CTNNA3: variants seen among roughly 807,000 people sequenced by gnomAD.
The protein encoded by CTNNA3 is catenin alpha-3.
CTNNA3 carries 76 observed loss-of-function variants against 95.7 expected under a neutral mutation model. The observed-to-expected ratio is 0.79, with a 90% CI of 0.66 to 0.96. The LOEUF is 0.96. Among genes scored for constraint, CTNNA3 ranks in the 40% least tolerant of loss-of-function variants. CTNNA3 has a pLI of 0.00. For synonymous variants in CTNNA3, 431 were observed against 374.4 expected (o/e 1.15, Z -1.74); for missense variants, 1,191 against 1,089.8 (o/e 1.09, Z -1.31).
intron 9 of CTNNA3, among the ~76,000 whole-genome samples, chr10:66,642,297 C>G (rs972120523): frequency 7.1e-6 from 1 of 141,244 alleles, no homozygotes; most frequent in African/African-American, 2.5e-5. Context: ...CACACACACA[C>G]ACACACACAA....
chr10:66,940,265 C>T (rs560298489), intron 7 of CTNNA3, among the ~76,000 whole-genome samples: 10 of 151,832 alleles, frequency 6.6e-5, no homozygotes. Flanking sequence ...TTTGGGAGGC[C>T]GAGGCAAGGA....
intron 5 of CTNNA3, among the ~76,000 whole-genome samples, chr10:67,442,493 T>C (rs1259982542): frequency 6.6e-6 from 1 of 151,678 alleles, no homozygotes; most frequent in Non-Finnish European, 1.5e-5. Flanking sequence ...AAAATACACA[T>C]AGACTGAAAA....
chr10:66,807,754 A>C (rs4269834), intron 7 of CTNNA3, among the ~76,000 whole-genome samples: 87,228 of 152,010 alleles, frequency 0.57, 25,279 homozygotes, highest in East Asian at 0.76. Flanking sequence ...TTAAAAAGTT[A>C]TCTTCCCCAG....
chr10:65,954,446 C>T (rs530410194), intron 17 of CTNNA3, among the ~76,000 whole-genome samples: 53 of 152,246 alleles, frequency 3.5e-4, no homozygotes, highest in African/African-American at 1.3e-3. Flanking sequence ...TTGTTTTAGT[C>T]ATGAAGTCCT....
chr10:67,135,314 C>T (rs1860237080), intron 7 of CTNNA3, among the ~76,000 whole-genome samples: 2 of 151,988 alleles, frequency 1.3e-5, no homozygotes, highest in South Asian at 4.1e-4. Flanking sequence ...GAGCATAATC[C>T]CCGCTTCACA....
At chr10:67,352,000 A>C (rs1842654333) in intron 5 of CTNNA3, among the ~76,000 whole-genome samples, 1 of 152,082 alleles carries the variant, frequency 6.6e-6, no homozygotes, top group Admixed American at 6.6e-5. Context: ...TAAGCATTTA[A>C]TATATGCCAA....
chr10:66,223,211 ATAAG>A (rs2089066919), intron 13 of CTNNA3, among the ~76,000 whole-genome samples: 1 of 152,060 alleles, frequency 6.6e-6, no homozygotes. Context: ...ACGAGGGAAA[ATAAG>A]TAAGGAATAA....
chr10:67,103,890 G>A (rs904761226), intron 7 of CTNNA3, among the ~76,000 whole-genome samples: 1 of 151,310 alleles, frequency 6.6e-6, no homozygotes, highest in Non-Finnish European at 1.5e-5. Flanking sequence ...TAAACCAGAG[G>A]CCTAATGGAA....
chr10:67,512,238 G>A (rs960891247), intron 5 of CTNNA3, among the ~76,000 whole-genome samples: 2 of 152,162 alleles, frequency 1.3e-5, no homozygotes, highest in East Asian at 1.9e-4. Flanking sequence ...GTTGGTGAGT[G>A]TAATCAGAAA....
At chr10:67,632,398 A>G (rs565053222) in intron 2 of CTNNA3, among the ~76,000 whole-genome samples, 2 of 152,206 alleles carry the variant, frequency 1.3e-5, no homozygotes, top group Admixed American at 6.5e-5. Context: ...GCCGGCACCA[A>G]GATGGACAAT....
chr10:66,110,857 T>G (rs113297758), intron 13 of CTNNA3, among the ~76,000 whole-genome samples: 5,175 of 152,264 alleles, frequency 0.034, 306 homozygotes, highest in African/African-American at 0.12. Context: ...CTAGATGGTA[T>G]AACCTACTAC....
At chr10:66,105,850 A>G (rs1040844896) in intron 13 of CTNNA3, among the ~76,000 whole-genome samples, 1 of 152,234 alleles carries the variant, frequency 6.6e-6, no homozygotes, top group Non-Finnish European at 1.5e-5. Context: ...ACAAAATGCT[A>G]CAGTTTAAGT....
At chr10:66,332,045 TTGTC>T (rs2092336906) in intron 12 of CTNNA3, among the ~76,000 whole-genome samples, 1 of 152,044 alleles carries the variant, frequency 6.6e-6, no homozygotes, top group Non-Finnish European at 1.5e-5. Flanking sequence ...GGCTCTCTGT[TTGTC>T]TGTTATTGGT....
chr10:66,380,622 T>A (rs1182452520), intron 11 of CTNNA3, among the ~76,000 whole-genome samples: 2 of 101,288 alleles, frequency 2.0e-5, no homozygotes. Flanking sequence ...TCTATCTATC[T>A]ATCTATATAT....
chr10:67,416,173 A>G (rs954570447), intron 5 of CTNNA3, among the ~76,000 whole-genome samples: 15 of 152,156 alleles, frequency 9.9e-5, no homozygotes, highest in Admixed American at 2.0e-4. Flanking sequence ...GAGCTTCTGC[A>G]TGGCAAAAAA....
rs76174833 is a variant in CTNNA3, at chr10:67,547,449, A to T, written c.293-7780T>A. On this transcript the variant is annotated intron_variant, in intron 3 of 17. Coordinates refer to ENST00000433211, the MANE Select transcript of CTNNA3 (RefSeq NM_013266.4). The stretch of plus-strand genomic sequence containing the variant: ...TAAAGTAGAATTCAGGCTTCACCTT[A>T]CTAGAAATTCAAGTCCCACAGCTGT... 1.9e-3 allele frequency among the ~76,000 whole-genome samples: 285 copies of T among 152,338 alleles called. 4 individuals carry two copies. In the East Asian group the frequency reaches 0.032, roughly 17 times the overall value.
chr10:67,404,327 C>A (rs1391577149), intron 5 of CTNNA3, among the ~76,000 whole-genome samples: 1 of 151,890 alleles, frequency 6.6e-6, no homozygotes, highest in Non-Finnish European at 1.5e-5. Flanking sequence ...AATGCAGGAG[C>A]TGACAGCCAA....
intron 5 of CTNNA3, among the ~76,000 whole-genome samples, chr10:67,464,297 C>A (rs1847493662): frequency 6.6e-6 from 1 of 152,140 alleles, no homozygotes; most frequent in African/African-American, 2.4e-5. Flanking sequence ...TTCACCAATT[C>A]AAATTTTTTA....
chr10:67,688,182 A>G (rs1000349288), intron 1 of CTNNA3, among the ~76,000 whole-genome samples: 1 of 152,150 alleles, frequency 6.6e-6, no homozygotes. Flanking sequence ...ATCTGCCTTG[A>G]TCTGCTTTAA....
Sources: allele counts gnomAD v4.1 joint callset (sites outside exome capture counted in the v4.1 genomes callset), GRCh38; gene constraint gnomAD v4.1.1; transcripts MANE v1.5; gene names NCBI Gene and HGNC (gene_info 2026-07-23, HGNC 2026-07-21).